The following CFAP410 variants were observed in gnomAD, a reference collection of about 807,000 sequenced individuals.
CFAP410 encodes cilia and flagella associated protein 410, also known as cilia- and flagella-associated protein 410.
CFAP410 carries 27 observed loss-of-function variants against 25.7 expected under a neutral mutation model. The ratio of observed to expected loss-of-function variants is 1.05; its 90% CI spans 0.77 to 1.45. The LOEUF is 1.45. CFAP410 is among the 40% of genes most tolerant of loss of function. CFAP410 has a pLI of 0.00. For missense variants in CFAP410, 428 were observed against 354.1 expected (o/e 1.21, Z -1.67); for synonymous variants, 178 against 158.4 (o/e 1.12, Z -0.93).
intron 3 of CFAP410, chr21:44,334,519 C>CCTCTGGGCGGGCACGCG: frequency 6.8e-6 from 1 of 147,876 alleles, no homozygotes; most frequent in Non-Finnish European, 1.4e-5. Flanking sequence ...GCACGCGCAC[C>CCTCTGGGCGGGCACGCG]CCCCCCCCCC....
chr21:44,337,687 A>G lies in CFAP410; in HGVS notation c.78-20T>C. On this transcript the variant is annotated intron_variant, in intron 1 of 6. Transcript: ENST00000339818. ...CTGCCCCTGGGGAGAGAAAAGATAC[A>G]TACTTTAATTTTGTTAAAGTTGAAT... 6.2e-7 allele frequency: 1 copy of G among 1,606,730 alleles called. No homozygotes were observed. Among genetic ancestry groups the G allele is most frequent in the Non-Finnish European group, 8.5e-7 (1 of 1,175,346 alleles).
At position 44,339,195 on chromosome 21, in the gene CFAP410, G is replaced by C; in HGVS notation, c.-1C>G. ...GAACCATCTTCCGCGTCAGCTTCAT[G>C]GCGGCCGCCCAGGCCCGACCGGCGG... On this transcript the variant is annotated 5_prime_UTR_variant, in exon 1 of 7. Coordinates refer to ENST00000339818, the MANE Select transcript of CFAP410 (RefSeq NM_004928.3). 2.7e-6 allele frequency: 4 copies of C among 1,462,782 alleles called. No individual in the cohort carries two copies. The highest frequency in any genetic ancestry group is 3.6e-6 in the Non-Finnish European group (4 of 1,102,892). 90.6% of individuals were successfully genotyped at this position (1,462,782 alleles called of 1,614,324 possible).
chr21:44,334,398 G>C (rs1458958867), intron 3 of CFAP410: 2 of 403,660 alleles, frequency 5.0e-6, no homozygotes, highest in African/African-American at 4.2e-5. Flanking sequence ...ACGTTTCCCT[G>C]TCAGGTAAGC....
chr21:44,330,269 C>A lies in CFAP410; in HGVS notation c.700G>T (p.Ala234Ser), dbSNP rs765281610. The change falls in exon 7 of 7, where the codon GCC becomes TCC. Residue 234 changes from alanine (A) to serine (S), a missense_variant. Physicochemically the swap from Ala to Ser is moderately conservative, Grantham distance 99. Coordinates refer to ENST00000339818, the MANE Select transcript of CFAP410 (RefSeq NM_004928.3). ...LRELDAEGLE[A>S]VQQTVGSRLQ... ...CGGCTGCCCACAGTCTGCTGCACGG[C>A]CTCCAGCCCCTCTGCATCCAGCTCC... The A allele has an allele frequency of 1.2e-6, 2 of 1,605,774 alleles. No individual in the cohort carries two copies. The highest frequency in any genetic ancestry group is 2.2e-5 in the East Asian group (1 of 44,678).
In CFAP410 at chr21:44,337,664, GCCC is replaced by G; in HGVS notation, c.78_80del (p.Trp26_Gly27delinsCys). 1 of 1,612,376 alleles carries G rather than the reference GCCC, an allele frequency of 6.2e-7. No homozygotes were observed. The highest frequency in any genetic ancestry group is 8.5e-7 in the Non-Finnish European group (1 of 1,178,714). ...CAATACTTACATCTGTGAGGCGGCT[GCCC>G]CTGGGGAGAGAAAAGATACATACTT... On this transcript the variant is annotated inframe_deletion and splice_region_variant, in exon 2 of 7. Transcript: ENST00000339818.
At chr21:44,333,617 C>A in intron 3 of CFAP410, 1 of 385,556 alleles carries the variant, frequency 2.6e-6, no homozygotes, top group Non-Finnish European at 4.7e-6. Flanking sequence ...CATGTTGCCC[C>A]AAAGCAGGGA....
Position 44,339,387 on chromosome 21 carries a change from C to T in CFAP410, c.-193G>A, listed in dbSNP as rs901673688. The T allele has an allele frequency of 2.6e-5, 11 of 416,316 alleles. No individual in the cohort carries two copies. The highest frequency in any genetic ancestry group is 4.2e-5 in the Non-Finnish European group (10 of 235,450). 25.8% of individuals were successfully genotyped at this position (416,316 alleles called of 1,614,324 possible). A position where few individuals can be genotyped will look rare whatever the true frequency, so the allele number is the denominator to read the frequency against. On this transcript the variant is annotated 5_prime_UTR_variant, in exon 1 of 7. Transcript: ENST00000339818. ...CGCTTGGGCGCCGCTGACACGTTGG[C>T]TCTGCTCCTGCTCATGCGCGGCCTG...
intron 1 of CFAP410, chr21:44,338,577 A>G (rs577995881): frequency 1.8e-5 from 4 of 217,014 alleles, no homozygotes; most frequent in African/African-American, 9.5e-5. Flanking sequence ...TCTCTCTCCT[A>G]TTCGACTTGG....
intron 3 of CFAP410, chr21:44,334,136 C>T (rs1324602563): frequency 2.2e-6 from 1 of 456,180 alleles, no homozygotes; most frequent in African/African-American, 2.0e-5. Flanking sequence ...CGTGATGTAC[C>T]GACCGCGTCC....
chr21:44,339,237 G>C lies in CFAP410; in HGVS notation c.-43C>G. On this transcript the variant is annotated 5_prime_UTR_variant, in exon 1 of 7. The change creates a new upstream start codon in the 5' untranslated region. Transcript: ENST00000339818. ...GACCGGCGGGCGCCCCCGGCCTCCTGATCCCGGGCGGGTGACGACTGCGCG... is the reference window on the plus strand; with the variant it reads ...GACCGGCGGGCGCCCCCGGCCTCCTCATCCCGGGCGGGTGACGACTGCGCG... 1 of 1,301,562 alleles carries C rather than the reference G, an allele frequency of 7.7e-7. No homozygotes were observed. Among genetic ancestry groups the C allele is most frequent in the Non-Finnish European group, 1.0e-6 (1 of 987,514 alleles). The allele number at this position is 1,301,562 out of a possible 1,614,324, so 80.6% of individuals were successfully genotyped here.
At chr21:44,335,183 C>G (rs2047728777) in intron 3 of CFAP410, 1 of 154,794 alleles carries the variant, frequency 6.5e-6, no homozygotes, top group South Asian at 2.0e-4. Context: ...ATAAAGGGAG[C>G]TCTTCTCTTC....
intron 4 of CFAP410, chr21:44,332,497 T>G: frequency 6.4e-6 from 1 of 157,252 alleles, no homozygotes; most frequent in Non-Finnish European, 1.3e-5. Flanking sequence ...TGGAAAACTG[T>G]GTCGGTGCTG....
Position 44,333,144 on chromosome 21 carries a change from G to GCGGCAGCCC in CFAP410, c.253_261dup (p.Gly85_Pro87dup). The GCGGCAGCCC allele has an allele frequency of 3.7e-6, 6 of 1,612,374 alleles. No individual in the cohort carries two copies. The highest frequency in any genetic ancestry group is 5.1e-6 in the Non-Finnish European group (6 of 1,179,742). On this transcript the variant is annotated inframe_insertion, in exon 4 of 7. Coordinates refer to ENST00000339818, the MANE Select transcript of CFAP410 (RefSeq NM_004928.3). ...TCGGCCAGCCACAGCACCCGCAGAC[G>GCGGCAGCCC]CGGCAGCCCCTTCAGGTAGAAGAGC...
intron 3 of CFAP410, 49 bp from the exon 4 acceptor site, chr21:44,333,311 G>C (rs1038025763): frequency 6.9e-7 from 1 of 1,458,664 alleles, no homozygotes; most frequent in Non-Finnish European, 9.4e-7. Flanking sequence ...AGGGCCCCCA[G>C]GGCCACCTCT....
In CFAP410 at chr21:44,339,169, A is replaced by G. The variant is rs372118549; in HGVS notation, c.26T>C (p.Leu9Pro). MKLTRKMVLTRAKASELHS... is the reference protein window; with the variant it reads MKLTRKMVPTRAKASELHS... ...CAGCTCCGAGGCCTTGGCCCGGGTCAGAACCATCTTCCGCGTCAGCTTCAT... is the reference window on the plus strand; with the variant it reads ...CAGCTCCGAGGCCTTGGCCCGGGTCGGAACCATCTTCCGCGTCAGCTTCAT... Residue 9 changes from leucine to proline, a missense_variant, in exon 1 of 7, where the codon CTG becomes CCG. Leu to Pro is a moderately conservative substitution (Grantham distance 98, BLOSUM62 -3). Coordinates refer to ENST00000339818, the MANE Select transcript of CFAP410 (RefSeq NM_004928.3). 5.4e-6 allele frequency: 8 copies of G among 1,471,286 alleles called. No individual in the cohort carries two copies. The African/African-American group carries it at 1.2e-4, about 22-fold the overall frequency. 91.1% of individuals were successfully genotyped at this position (1,471,286 alleles called of 1,614,324 possible).
chr21:44,333,814 C>A (rs973558090), intron 3 of CFAP410: 1 of 344,692 alleles, frequency 2.9e-6, no homozygotes, highest in Non-Finnish European at 5.7e-6. Context: ...CAGGCTTTAC[C>A]CTGCAGCGTG....
intron 3 of CFAP410, chr21:44,334,486 ACCCCCCCTCAACCTCT>A (rs2047712425): frequency 7.0e-6 from 1 of 143,598 alleles, no homozygotes. Flanking sequence ...AGGCACGCGC[ACCCCCCCTCAACCTCT>A]GGGCGGGCAC....
intron 2 of CFAP410, 109 bp downstream of exon 2, chr21:44,337,540 T>C (rs2047778433): frequency 2.3e-5 from 21 of 906,116 alleles, no homozygotes; most frequent in Non-Finnish European, 3.8e-5. Flanking sequence ...AATTGATAGG[T>C]GCAGTTTTGT....
At chr21:44,337,805 G>A in intron 1 of CFAP410, 138 bp from the exon 2 acceptor site, 1 of 687,936 alleles carries the variant, frequency 1.5e-6, no homozygotes. Context: ...AAAAAAGGAA[G>A]GTTGCCCAGA....
Sources: gnomAD v4.1 joint callset for allele counts on GRCh38, gnomAD v4.1.1 for gene constraint, MANE v1.5 for transcripts, NCBI Gene and HGNC (gene_info 2026-07-23, HGNC 2026-07-21) for gene names.